Variants in TEX9 observed in about 807,000 individuals in gnomAD.
TEX9 encodes the protein testis expressed 9.
Under a neutral mutation model 59.6 loss-of-function variants are expected in TEX9, and 74 were observed. The observed-to-expected ratio is 1.24, with a 90% CI of 1.03 to 1.51. The LOEUF (loss-of-function observed/expected upper bound fraction) is 1.51. Among genes scored for constraint, TEX9 ranks in the 40% most tolerant of loss-of-function variants. The pLI is 0.00. For missense variants in TEX9, 522 were observed against 447.8 expected (o/e 1.17, Z -1.49); for synonymous variants, 186 against 152.2 (o/e 1.22, Z -1.64).
intron 12 of TEX9, chr15:56,443,470 T>C (rs748666766): frequency 2.7e-5 from 43 of 1,598,706 alleles, no homozygotes; most frequent in Non-Finnish European, 3.7e-5. Context: ...TTCTTCCTGG[T>C]ATAATTCTTG....
intron 12 of TEX9, among the ~76,000 whole-genome samples, chr15:56,432,679 G>A (rs1026221364): frequency 5.9e-5 from 9 of 152,278 alleles, no homozygotes; most frequent in Non-Finnish European, 4.4e-5. Flanking sequence ...CTGATTTCTA[G>A]TTAGTTGTCT....
At chr15:56,426,127 C>G (rs1176005636) in intron 10 of TEX9, among the ~76,000 whole-genome samples, 1 of 152,148 alleles carries the variant, frequency 6.6e-6, no homozygotes, top group Non-Finnish European at 1.5e-5. Context: ...GTACCAACCA[C>G]CTGTTTCCGC....
chr15:56,262,264 G>A (rs752105882), intron 1 of TEX9, among the ~76,000 whole-genome samples: 12 of 152,258 alleles, frequency 7.9e-5, no homozygotes, highest in Non-Finnish European at 1.3e-4. Context: ...AGGAATTGGA[G>A]CAGAGAGGCA....
At chr15:56,277,621 C>T (rs1290023678) in intron 1 of TEX9, among the ~76,000 whole-genome samples, 1 of 152,178 alleles carries the variant, frequency 6.6e-6, no homozygotes, top group Non-Finnish European at 1.5e-5. Context: ...CAGCTTTGTT[C>T]TTCTTGCCCA....
At chr15:56,443,970 A>C in intron 12 of TEX9, 3 of 819,944 alleles carry the variant, frequency 3.7e-6, no homozygotes, top group Non-Finnish European at 5.4e-6. Context: ...TCGTGCATGC[A>C]ACAAACATTT....
At chr15:56,336,725 C>T (rs1354327471) in intron 1 of TEX9, among the ~76,000 whole-genome samples, 1 of 152,124 alleles carries the variant, frequency 6.6e-6, no homozygotes, top group East Asian at 1.9e-4. Context: ...GCAACAACAG[C>T]CTCAGGTGAT....
chr15:56,410,849 A>C (rs756533872), intron 9 of TEX9, among the ~76,000 whole-genome samples: 1 of 152,210 alleles, frequency 6.6e-6, no homozygotes. Context: ...TGCCTTTTCT[A>C]TGTGAACAGT....
At chr15:56,307,267 T>G (rs544280536) in intron 1 of TEX9, among the ~76,000 whole-genome samples, 2 of 152,100 alleles carry the variant, frequency 1.3e-5, no homozygotes, top group Non-Finnish European at 2.9e-5. Context: ...CTCTACCCTT[T>G]CCCCAAGCTT....
At chr15:56,251,593 C>T (rs1366341019) in intron 1 of TEX9, among the ~76,000 whole-genome samples, 1 of 151,952 alleles carries the variant, frequency 6.6e-6, no homozygotes, top group Admixed American at 6.6e-5. Context: ...CTGAAAGATA[C>T]ACAAGAGAAA....
At chr15:56,250,222 GAC>G (rs1267134282) in intron 1 of TEX9, among the ~76,000 whole-genome samples, 1 of 152,182 alleles carries the variant, frequency 6.6e-6, no homozygotes, top group Admixed American at 6.5e-5. Context: ...ATATAAAAAA[GAC>G]ACTGGTAGGT....
intron 2 of TEX9, among the ~76,000 whole-genome samples, chr15:56,369,747 A>G (rs1246998514): frequency 6.6e-6 from 1 of 152,232 alleles, no homozygotes; most frequent in Non-Finnish European, 1.5e-5. Flanking sequence ...TCTTTGATAG[A>G]AAATGTATTT....
At chr15:56,307,495 T>G (rs2045511758) in intron 1 of TEX9, among the ~76,000 whole-genome samples, 1 of 152,232 alleles carries the variant, frequency 6.6e-6, no homozygotes, top group African/African-American at 2.4e-5. Flanking sequence ...ACTCTGTGAT[T>G]TGAATTGAGG....
At chr15:56,433,973 A>G (rs1284269740) in intron 12 of TEX9, among the ~76,000 whole-genome samples, 4 of 152,194 alleles carry the variant, frequency 2.6e-5, no homozygotes, top group Non-Finnish European at 4.4e-5. Context: ...AAGCATCAAT[A>G]AATATTTTCT....
intron 1 of TEX9, among the ~76,000 whole-genome samples, chr15:56,309,582 C>G (rs1047792866): frequency 6.7e-6 from 1 of 148,948 alleles, no homozygotes; most frequent in Non-Finnish European, 1.5e-5. Context: ...GGCAAGTATT[C>G]TCTCCTTTTC....
chr15:56,342,545 C>G (rs2046391562), intron 1 of TEX9, among the ~76,000 whole-genome samples: 1 of 152,108 alleles, frequency 6.6e-6, no homozygotes, highest in Admixed American at 6.6e-5. Context: ...AAGATAAGCT[C>G]TTATGTGCAG....
intron 1 of TEX9, among the ~76,000 whole-genome samples, chr15:56,253,283 A>G (rs1157636395): frequency 6.6e-6 from 1 of 152,128 alleles, no homozygotes; most frequent in East Asian, 1.9e-4. Context: ...TTTTGCCTAC[A>G]CCAAGCAAAA....
chr15:56,363,107 T>A (rs1781752030), upstream of TEX9, among the ~76,000 whole-genome samples: 1 of 152,196 alleles, frequency 6.6e-6, no homozygotes, highest in Non-Finnish European at 1.5e-5. Context: ...CTTGGGTGTA[T>A]ACCTAGCAGT....
chr15:56,404,178 A>T (rs560721576), intron 9 of TEX9, among the ~76,000 whole-genome samples: 11 of 152,188 alleles, frequency 7.2e-5, no homozygotes, highest in Non-Finnish European at 1.5e-4. Flanking sequence ...AAAAGAAACT[A>T]CCATCAGAGT....
intron 9 of TEX9, among the ~76,000 whole-genome samples, chr15:56,408,169 AC>A (rs1156301326): frequency 6.6e-6 from 1 of 152,000 alleles, no homozygotes; most frequent in Non-Finnish European, 1.5e-5. Context: ...GTGTCTCTAT[AC>A]CTCATGTGCC....
Sources: allele counts gnomAD v4.1 joint callset (sites outside exome capture counted in the v4.1 genomes callset), GRCh38; gene constraint gnomAD v4.1.1; transcripts MANE v1.5; gene names NCBI Gene and HGNC (gene_info 2026-07-23, HGNC 2026-07-21).